Variants in MSI2 observed in about 807,000 individuals in gnomAD.
MSI2 encodes musashi RNA binding protein 2.
Under a neutral mutation model 45.6 loss-of-function variants are expected in MSI2, and 17 were observed. The observed-to-expected ratio is 0.37, with a 90% CI of 0.26 to 0.56. The LOEUF (loss-of-function observed/expected upper bound fraction) is 0.56. Among genes scored for constraint, MSI2 ranks in the 20% least tolerant of loss-of-function variants. The pLI is 0.77. For synonymous variants in MSI2, 156 were observed against 158.2 expected (o/e 0.99, Z 0.11); for missense variants, 293 against 444.2 (o/e 0.66, Z 3.06).
chr17:57,500,372 C>T (rs1202747771), intron 6 of MSI2, among the ~76,000 whole-genome samples: 1 of 151,080 alleles, frequency 6.6e-6, no homozygotes, highest in Non-Finnish European at 1.5e-5. Flanking sequence ...GATCTCTCTT[C>T]GCCACCATAT....
At chr17:57,331,424 T>C (rs527951427) in intron 5 of MSI2, among the ~76,000 whole-genome samples, 47 of 152,074 alleles carry the variant, frequency 3.1e-4, no homozygotes, top group African/African-American at 1.1e-3. Context: ...TCTGGAAACT[T>C]AAGTGGAGGA....
chr17:57,673,063 C>T (rs1912932987), intron 11 of MSI2, among the ~76,000 whole-genome samples: 3 of 152,226 alleles, frequency 2.0e-5, no homozygotes, highest in Non-Finnish European at 1.5e-5. Flanking sequence ...GGCTCACCTT[C>T]GGGCTTCCCG....
At chr17:57,664,536 A>AT (rs1246719742) in intron 11 of MSI2, among the ~76,000 whole-genome samples, 1 of 152,160 alleles carries the variant, frequency 6.6e-6, no homozygotes, top group Non-Finnish European at 1.5e-5. Context: ...GGAAAAAAAA[A>AT]GAAAAAAGAT....
chr17:57,482,028 G>C (rs1287570663), intron 6 of MSI2, among the ~76,000 whole-genome samples: 2 of 152,118 alleles, frequency 1.3e-5, no homozygotes, highest in African/African-American at 4.8e-5. Flanking sequence ...CCCAACCAGG[G>C]GCCTTACACA....
chr17:57,682,974 G>C lies in MSI2; in HGVS notation c.*3457G>C, dbSNP rs546276832. ...CTAGCAGCTTCCACAGACTTGGCTCGTGGCCTTCCTTATATCCACTGGGAA... is the reference window on the plus strand; with the variant it reads ...CTAGCAGCTTCCACAGACTTGGCTCCTGGCCTTCCTTATATCCACTGGGAA... On this transcript the variant is annotated 3_prime_UTR_variant, in exon 14 of 14. Coordinates refer to ENST00000284073, the MANE Select transcript of MSI2 (RefSeq NM_138962.4). The C allele has an allele frequency of 4.4e-6, 1 of 228,932 alleles. No individual in the cohort carries two copies. The allele number at this position is 228,932 out of a possible 1,614,324, so 14.2% of individuals were successfully genotyped here. A position where few individuals can be genotyped will look rare whatever the true frequency, so the allele number is the denominator to read the frequency against.
chr17:57,481,468 A>G (rs974043197), intron 6 of MSI2, among the ~76,000 whole-genome samples: 7 of 152,282 alleles, frequency 4.6e-5, no homozygotes, highest in South Asian at 2.1e-4. Context: ...AAATACCACA[A>G]TTGTCACTGA....
At chr17:57,384,379 A>T (rs530084708) in intron 5 of MSI2, among the ~76,000 whole-genome samples, 1 of 152,160 alleles carries the variant, frequency 6.6e-6, no homozygotes, top group Non-Finnish European at 1.5e-5. Context: ...GAGCTCCTAC[A>T]TGTGGTCTGT....
intron 5 of MSI2, among the ~76,000 whole-genome samples, chr17:57,373,398 C>T (rs79223600): frequency 6.6e-6 from 1 of 152,064 alleles, no homozygotes; most frequent in Non-Finnish European, 1.5e-5. Context: ...AGTTTGTGTC[C>T]TTTTTTCTTT....
chr17:57,541,049 T>G (rs1031431977), intron 7 of MSI2, among the ~76,000 whole-genome samples: 6 of 152,014 alleles, frequency 3.9e-5, no homozygotes, highest in Admixed American at 6.6e-5. Flanking sequence ...TTCATGCAAC[T>G]GAGAACACAG....
At chr17:57,582,131 G>T (rs111767671) in intron 7 of MSI2, among the ~76,000 whole-genome samples, 27 of 152,186 alleles carry the variant, frequency 1.8e-4, no homozygotes, top group African/African-American at 6.0e-4. Context: ...GTCCACACCC[G>T]CTGGCAGTCA....
Position 57,680,775 on chromosome 17 carries a change from G to GGGGGGGGGGGGGGGGC in MSI2, c.*1258_*1259insGGGGGGGGGGGGGGGC, listed in dbSNP as rs1913550214. On this transcript the variant is annotated 3_prime_UTR_variant, in exon 14 of 14. Transcript: ENST00000284073. ...GCTTGGGTGGGGGTGGGGTGGGGGG[G>GGGGGGGGGGGGGGGGC]ACATTCTTTTTCAGTCTTAATTTTT... 3 of 152,784 alleles carry GGGGGGGGGGGGGGGGC rather than the reference G, an allele frequency of 2.0e-5. No individual in the cohort carries two copies. The highest frequency in any genetic ancestry group is 3.0e-4 in the East Asian group (2 of 6,778). The allele number at this position is 152,784 out of a possible 1,614,324, so 9.5% of individuals were successfully genotyped here.
chr17:57,378,231 T>G (rs964945915), intron 5 of MSI2, among the ~76,000 whole-genome samples: 1 of 151,860 alleles, frequency 6.6e-6, no homozygotes, highest in Non-Finnish European at 1.5e-5. Context: ...ATTACAGGCA[T>G]GTACCTCCAT....
At chr17:57,647,448 CAA>C (rs573792115) in intron 10 of MSI2, among the ~76,000 whole-genome samples, 7 of 128,442 alleles carry the variant, frequency 5.4e-5, no homozygotes, top group Non-Finnish European at 4.9e-5. Context: ...GACTCTGTCT[CAA>C]AAAAAAAAAA....
At chr17:57,388,898 C>T (rs2083732424) in intron 5 of MSI2, among the ~76,000 whole-genome samples, 1 of 152,002 alleles carries the variant, frequency 6.6e-6, no homozygotes. Context: ...AAGTGATCCA[C>T]CTGCCTCTGC....
chr17:57,432,291 A>C (rs1427314805), intron 6 of MSI2, among the ~76,000 whole-genome samples: 1 of 152,156 alleles, frequency 6.6e-6, no homozygotes, highest in Non-Finnish European at 1.5e-5. Flanking sequence ...GGTGGCCCAG[A>C]AGAAACTGGA....
intron 5 of MSI2, among the ~76,000 whole-genome samples, chr17:57,385,176 A>G (rs1167545499): frequency 6.6e-6 from 1 of 152,168 alleles, no homozygotes; most frequent in Non-Finnish European, 1.5e-5. Context: ...AGAATAACCT[A>G]TCTAAAACAC....
intron 5 of MSI2, among the ~76,000 whole-genome samples, chr17:57,295,090 A>G (rs1180298822): frequency 1.3e-5 from 2 of 152,168 alleles, no homozygotes; most frequent in African/African-American, 2.4e-5. Flanking sequence ...TGAACAGGAA[A>G]GAATTGGGAT....
At chr17:57,275,229 C>A (rs1210448671) in intron 5 of MSI2, among the ~76,000 whole-genome samples, 3 of 152,140 alleles carry the variant, frequency 2.0e-5, no homozygotes, top group Admixed American at 6.5e-5. Flanking sequence ...CAGTTAGGAA[C>A]CTTAGATGGT....
At chr17:57,658,993 A>C (rs1911796165) in intron 11 of MSI2, among the ~76,000 whole-genome samples, 1 of 151,956 alleles carries the variant, frequency 6.6e-6, no homozygotes, top group Admixed American at 6.6e-5. Context: ...AGAACCATCC[A>C]AGGAGCATGT....
Sources: gnomAD v4.1 joint callset for allele counts (sites outside exome capture counted in the v4.1 genomes callset) on GRCh38, gnomAD v4.1.1 for gene constraint, MANE v1.5 for transcripts, NCBI Gene and HGNC (gene_info 2026-07-23, HGNC 2026-07-21) for gene names.